PGAP1: variants seen among roughly 807,000 people sequenced by gnomAD.
PGAP1 encodes post-GPI attachment to proteins inositol deacylase 1.
PGAP1 carries 76 observed loss-of-function variants against 127.0 expected under a neutral mutation model. The observed-to-expected ratio is 0.60, with a 90% CI of 0.50 to 0.72. PGAP1 has a LOEUF of 0.72. PGAP1 is among the 30% of genes least tolerant of loss of function. The probability of loss-of-function intolerance (pLI) is 0.00; values close to 1 mark genes in which losing one functional copy is unlikely to be tolerated. For synonymous variants in PGAP1, 362 were observed against 366.5 expected, an observed-to-expected ratio of 0.99 and a Z score of 0.14; for missense variants, 982 against 1,071.3, an observed-to-expected ratio of 0.92 and a Z score of 1.16.
intron 3 of PGAP1, among the ~76,000 whole-genome samples, chr2:196,914,982 A>AAT (rs1287893021): frequency 6.6e-6 from 1 of 151,920 alleles, no homozygotes; most frequent in Non-Finnish European, 1.5e-5. Context: ...ACATCCAGCT[A>AAT]ATATATATAT....
At chr2:196,896,979 T>A (rs866953922) in intron 7 of PGAP1, 152 bp downstream of exon 7, 1 of 460,428 alleles carries the variant, frequency 2.2e-6, no homozygotes, top group African/African-American at 2.0e-5. Context: ...GAAAAAAAGA[T>A]ATTTCCATTT....
intron 4 of PGAP1, among the ~76,000 whole-genome samples, chr2:196,911,982 G>C (rs1702838349): frequency 6.6e-6 from 1 of 152,122 alleles, no homozygotes; most frequent in Non-Finnish European, 1.5e-5. Context: ...AATTTTGCCA[G>C]GGTCAAATAC....
At position 196,861,215 on chromosome 2, in the gene PGAP1, C is replaced by T. The variant is rs193103201; in HGVS notation, c.1861+3772G>A. Among the ~76,000 whole-genome samples the T allele has an allele frequency of 1.6e-3, 244 of 152,144 alleles. 1 individual carries two copies. The highest frequency in any genetic ancestry group is 5.6e-3 in the African/African-American group (232 of 41,534). On this transcript the variant is annotated intron_variant, in intron 20 of 26. Coordinates refer to ENST00000354764, the MANE Select transcript of PGAP1 (RefSeq NM_024989.4). The stretch of plus-strand genomic sequence containing the variant: ...AAAGACTTAAATTTAAAACCCGAAA[C>T]GACGAAACTACCACAAGAATATATT...
chr2:196,840,662 C>T lies in PGAP1; in HGVS notation c.*572G>A, dbSNP rs1406207290. 2 of 152,084 alleles carry T rather than the reference C, an allele frequency of 1.3e-5. No homozygotes were observed. Among genetic ancestry groups the T allele is most frequent in the East Asian group, 1.9e-4 (1 of 5,190 alleles). 9.4% of individuals were successfully genotyped at this position (152,084 alleles called of 1,614,324 possible). A position where few individuals can be genotyped will look rare whatever the true frequency, so the allele number is the denominator to read the frequency against. ...AAACATATCTCCTTACCATTCAAAG[C>T]TCTATTTTCATAGATGTAAGAAGAC... is the stretch of plus-strand genomic sequence containing the variant. On this transcript the variant is annotated 3_prime_UTR_variant, in exon 27 of 27. Coordinates refer to ENST00000354764, the MANE Select transcript of PGAP1 (RefSeq NM_024989.4).
chr2:196,917,109 T>C lies in PGAP1; in HGVS notation c.302-516A>G, dbSNP rs948256340. On this transcript the variant is annotated intron_variant, in intron 2 of 26. Transcript: ENST00000354764. Reference sequence around the variant, plus strand: ...AAATTTCTCACCATTCCCACCACTATTGTCCTAATCCAAACACTATTATCT... The same window carrying C: ...AAATTTCTCACCATTCCCACCACTACTGTCCTAATCCAAACACTATTATCT... 5.3e-5 allele frequency among the ~76,000 whole-genome samples: 8 copies of C among 152,314 alleles called. No individual in the cohort carries two copies. The South Asian group carries it at 1.2e-3, about 24-fold the overall frequency.
At chr2:196,848,346 T>C (rs1576091141) in intron 20 of PGAP1, among the ~76,000 whole-genome samples, 1 of 152,182 alleles carries the variant, frequency 6.6e-6, no homozygotes, top group East Asian at 1.9e-4. Context: ...CTGATATAAT[T>C]CTTCTATTTA....
At chr2:196,925,476 G>A (rs1703329678) in intron 1 of PGAP1, among the ~76,000 whole-genome samples, 2 of 152,304 alleles carry the variant, frequency 1.3e-5, no homozygotes, top group Middle Eastern at 3.4e-3. Context: ...CCATAATTAA[G>A]AGATGCACTT....
rs980916700 is a variant in PGAP1, at chr2:196,837,520, G to A, written c.*3714C>T. ...TGTACCTGTAGTCTCACCTGCTGTG[G>A]GAGGCTGAGATGGGAGGATCACATG... On this transcript the variant is annotated 3_prime_UTR_variant, in exon 27 of 27. Coordinates refer to ENST00000354764, the MANE Select transcript of PGAP1 (RefSeq NM_024989.4). 6 of 152,204 alleles carry A rather than the reference G, an allele frequency of 3.9e-5. No individual in the cohort carries two copies. Among genetic ancestry groups the A allele is most frequent in the African/African-American group, 1.4e-4 (6 of 41,416 alleles). The allele number at this position is 152,204 out of a possible 1,614,324, so 9.4% of individuals were successfully genotyped here.
At position 196,865,135 on chromosome 2, in the gene PGAP1, ACT is replaced by A. The variant is rs1265083702; in HGVS notation, c.1768-57_1768-56del. On this transcript the variant is annotated intron_variant, in intron 19 of 26. Transcript: ENST00000354764. Reference sequence around the variant, plus strand: ...CCTGAATATTCATGTTAATAAGTGTACTTTCACATAAAATTTAAAAGTTGCTC... The same window carrying A: ...CCTGAATATTCATGTTAATAAGTGTATTCACATAAAATTTAAAAGTTGCTC... 13 of 971,596 alleles carry A rather than the reference ACT, an allele frequency of 1.3e-5. No homozygotes were observed. The East Asian group carries it at 3.6e-4, about 27-fold the overall frequency. The allele number at this position is 971,596 out of a possible 1,614,324, so 60.2% of individuals were successfully genotyped here.
intron 20 of PGAP1, among the ~76,000 whole-genome samples, chr2:196,863,113 T>C (rs367582220): frequency 1.3e-5 from 2 of 152,238 alleles, no homozygotes; most frequent in Non-Finnish European, 2.9e-5. Flanking sequence ...TAGCACACAA[T>C]TGGTACAAAT....
Position 196,885,859 on chromosome 2 carries a change from CA to C in PGAP1, c.1194del (p.Phe398LeufsTer4). ...CACATAGAAGTGCTGTTTATGCAAG[CA>C]AAAATCCAACTATTTGTATCCTGTT... ...STMLDTNSWI[F>X]ACINSTSMCL... On this transcript the variant is annotated frameshift_variant, in exon 11 of 27. Transcript: ENST00000354764. LOFTEE classifies it high-confidence loss of function. 2 of 1,411,858 alleles carry C rather than the reference CA, an allele frequency of 1.4e-6. No homozygotes were observed. Among genetic ancestry groups the C allele is most frequent in the Non-Finnish European group, 1.9e-6 (2 of 1,078,088 alleles). 87.5% of individuals were successfully genotyped at this position (1,411,858 alleles called of 1,614,324 possible). A position where few individuals can be genotyped will look rare whatever the true frequency, so the allele number is the denominator to read the frequency against.
chr2:196,872,678 A>C (rs1383020180), intron 17 of PGAP1, 129 bp from the exon 18 acceptor site: 7 of 658,836 alleles, frequency 1.1e-5, no homozygotes, highest in Non-Finnish European at 1.8e-5. Flanking sequence ...ATAATTGTGG[A>C]TGGGCACTTT....
At chr2:196,893,080 T>G (rs1702156395) in intron 8 of PGAP1, 60 bp downstream of exon 8, 1 of 1,023,220 alleles carries the variant, frequency 9.8e-7, no homozygotes, top group Admixed American at 2.3e-5. Context: ...ATAAACAAAT[T>G]TACCTAAGAT....
chr2:196,872,364 C>T (rs1701432945), intron 18 of PGAP1, 77 bp downstream of exon 18: 1 of 990,292 alleles, frequency 1.0e-6, no homozygotes, highest in Non-Finnish European at 1.5e-6. Flanking sequence ...CACCATATAT[C>T]TGAAGCTTAT....
In PGAP1 at chr2:196,836,226, C is replaced by T. The variant is rs980026725; in HGVS notation, c.*5008G>A. The T allele has an allele frequency of 6.6e-6, 1 of 152,480 alleles. No homozygotes were observed. Among genetic ancestry groups the T allele is most frequent in the African/African-American group, 2.4e-5 (1 of 41,448 alleles). 9.4% of individuals were successfully genotyped at this position (152,480 alleles called of 1,614,324 possible). ...TAACTGATTAATTGGTATTTCAAAA[C>T]ACAGATTGTTTTTGGCAGCATAACA... is the stretch of plus-strand genomic sequence containing the variant. On this transcript the variant is annotated 3_prime_UTR_variant, in exon 27 of 27. Transcript: ENST00000354764.
chr2:196,921,293 A>G (rs1210046515), intron 1 of PGAP1, among the ~76,000 whole-genome samples: 4 of 152,102 alleles, frequency 2.6e-5, no homozygotes, highest in Non-Finnish European at 5.9e-5. Context: ...CACCACAGAA[A>G]CATCTGCAGA....
chr2:196,922,289 A>C, intron 1 of PGAP1: 1 of 1,167,168 alleles, frequency 8.6e-7, no homozygotes. Flanking sequence ...ACTTAATTGT[A>C]AACTTAAACT....
rs1036012839 is a variant in PGAP1, at chr2:196,902,729, A to G, written c.663T>C (p.Thr221=). Residue 221 remains threonine (T), a synonymous_variant, in exon 5 of 27, where the codon ACT becomes ACC. Coordinates refer to ENST00000354764, the MANE Select transcript of PGAP1 (RefSeq NM_024989.4). ...CATTTAGAATCCAATAGTTGTTTAC[A>G]GTCGTATAAAAATCTGGTGGGGAAT... ...LDRFITDFYT[T]VNNYWILNAR... is the part of the protein sequence containing the mutation. 4 of 1,602,132 alleles carry G rather than the reference A, an allele frequency of 2.5e-6. No homozygotes were observed. Among genetic ancestry groups the G allele is most frequent in the Admixed American group, 3.5e-5 (2 of 57,446 alleles).
intron 13 of PGAP1, 80 bp downstream of exon 13, chr2:196,879,995 GA>G (rs1701681968): frequency 2.0e-6 from 2 of 1,007,232 alleles, no homozygotes; most frequent in South Asian, 1.4e-5. Context: ...AAACTGTGCA[GA>G]AAAACTCATT....
Sources: allele counts gnomAD v4.1 joint callset (sites outside exome capture counted in the v4.1 genomes callset), GRCh38; gene constraint gnomAD v4.1.1; transcripts MANE v1.5; gene names NCBI Gene and HGNC (gene_info 2026-07-23, HGNC 2026-07-21).